Variants in BRWD3 observed in about 807,000 individuals in gnomAD.
BRWD3 encodes the protein bromodomain and WD repeat domain containing 3.
A neutral mutation model predicts 149.7 loss-of-function variants in BRWD3; 10 were observed. The observed-to-expected ratio is 0.07, with a 90% CI of 0.04 to 0.11. BRWD3 has a LOEUF of 0.11. Ranked by LOEUF, BRWD3 falls within the 10% of genes least tolerant of loss-of-function variation. BRWD3 has a pLI of 1.00. For missense variants in BRWD3, 940 were observed against 1,373.2 expected, an observed-to-expected ratio of 0.68 and a Z score of 4.99; for synonymous variants, 504 against 456.7, an observed-to-expected ratio of 1.10 and a Z score of -1.32.
intron 6 of BRWD3, among the ~76,000 whole-genome samples, chrX:80,750,873 C>CACACAT (rs2147798997): frequency 9.2e-6 from 1 of 108,707 alleles, no homozygotes; most frequent in African/African-American, 3.4e-5. Flanking sequence ...CACACACACA[C>CACACAT]ACACACACAC....
intron 4 of BRWD3, among the ~76,000 whole-genome samples, chrX:80,797,495 T>G (rs2074250384): frequency 1.8e-5 from 2 of 111,829 alleles, no homozygotes; most frequent in African/African-American, 6.5e-5. Flanking sequence ...GAAAGAAAAT[T>G]TGTTGGAGTT....
intron 12 of BRWD3, among the ~76,000 whole-genome samples, chrX:80,731,721 C>T (rs942725086): frequency 1.8e-5 from 2 of 108,364 alleles, no homozygotes; most frequent in African/African-American, 3.4e-5. Context: ...GGTGAAACCC[C>T]GTCTCTACTA....
chrX:80,702,785 G>C (rs2072808698), intron 24 of BRWD3, among the ~76,000 whole-genome samples: 1 of 111,565 alleles, frequency 9.0e-6, no homozygotes, highest in Non-Finnish European at 1.9e-5. Flanking sequence ...GCAAGGTTTT[G>C]TTCCTTCTGC....
chrX:80,705,635 A>C (rs2072852293), intron 22 of BRWD3, among the ~76,000 whole-genome samples: 1 of 111,914 alleles, frequency 8.9e-6, no homozygotes, highest in Non-Finnish European at 1.9e-5. Flanking sequence ...CTACACAGCT[A>C]TTCTATATAG....
At chrX:80,731,811 C>T (rs1404275339) in intron 12 of BRWD3, among the ~76,000 whole-genome samples, 10 of 99,724 alleles carry the variant, frequency 1.0e-4, no homozygotes, top group African/African-American at 2.6e-4. Flanking sequence ...AGGAGAATGG[C>T]GTGAACCCGG....
chrX:80,703,336 C>T (rs1057383402), intron 24 of BRWD3, 144 bp downstream of exon 24: 15 of 423,642 alleles, frequency 3.5e-5, no homozygotes, highest in Middle Eastern at 1.3e-3. Context: ...CAGTCCCCTT[C>T]CACAAGAAAT....
intron 24 of BRWD3, among the ~76,000 whole-genome samples, chrX:80,702,640 CTAAAGA>C (rs1276002050): frequency 1.1e-4 from 12 of 111,577 alleles, no homozygotes; most frequent in African/African-American, 3.9e-4. Flanking sequence ...CTTAAAATAT[CTAAAGA>C]TAATCAGCAG....
chrX:80,731,297 C>T (rs889751472), intron 12 of BRWD3, among the ~76,000 whole-genome samples: 1 of 111,124 alleles, frequency 9.0e-6, no homozygotes, highest in East Asian at 2.8e-4. Flanking sequence ...TGTTTATTGG[C>T]CACACGAATA....
chrX:80,678,835 C>A (rs1244407380), intron 40 of BRWD3, among the ~76,000 whole-genome samples: 1 of 111,319 alleles, frequency 9.0e-6, no homozygotes, highest in Non-Finnish European at 1.9e-5. Flanking sequence ...CTTCAAAATT[C>A]ATATGTGGAA....
intron 38 of BRWD3, 28 bp from the exon 39 acceptor site, chrX:80,682,122 C>CT: frequency 9.0e-7 from 1 of 1,108,426 alleles, no homozygotes; most frequent in Admixed American, 2.3e-5. Flanking sequence ...TAACAACGAG[C>CT]ATTTTTTTTT....
In BRWD3 at chrX:80,712,542, C is replaced by G. The variant is rs769797224; in HGVS notation, c.2326-2965G>C. ...CGCCTGCCTTGGCCTCCCAAAGTGCCGAGATTGCAGCCTCTGCCCGGCCGC... is the reference window on the plus strand; with the variant it reads ...CGCCTGCCTTGGCCTCCCAAAGTGCGGAGATTGCAGCCTCTGCCCGGCCGC... On this transcript the variant is annotated intron_variant, in intron 20 of 40. Coordinates refer to ENST00000373275, the MANE Select transcript of BRWD3 (RefSeq NM_153252.5). 6.3e-5 allele frequency among the ~76,000 whole-genome samples: 7 copies of G among 111,124 alleles called. No individual in the cohort carries two copies. In the East Asian group the frequency reaches 1.7e-3, roughly 27 times the overall value.
At chrX:80,728,522 G>A (rs2073281555) in intron 14 of BRWD3, among the ~76,000 whole-genome samples, 1 of 111,317 alleles carries the variant, frequency 9.0e-6, no homozygotes, top group Admixed American at 9.6e-5. Flanking sequence ...TAGTAGATGA[G>A]TAACTACCAG....
At chrX:80,679,911 G>GA (rs763631063) in intron 40 of BRWD3, among the ~76,000 whole-genome samples, 1 of 111,008 alleles carries the variant, frequency 9.0e-6, no homozygotes, top group South Asian at 3.8e-4. Flanking sequence ...AGGGTAAAAT[G>GA]AAAAAAGGCA....
chrX:80,802,815 T>C (rs1038806378), intron 4 of BRWD3, among the ~76,000 whole-genome samples: 2 of 110,537 alleles, frequency 1.8e-5, no homozygotes, highest in African/African-American at 3.3e-5. Context: ...ATGTAAGAAA[T>C]GTCAAGCAGG....
intron 14 of BRWD3, among the ~76,000 whole-genome samples, chrX:80,726,059 C>CAT (rs1307148979): frequency 4.6e-5 from 2 of 43,826 alleles, no homozygotes; most frequent in Non-Finnish European, 8.3e-5. Flanking sequence ...GTCTATATAA[C>CAT]ACAACATGTT....
chrX:80,712,783 C>G lies in BRWD3; in HGVS notation c.2326-3206G>C, dbSNP rs2073001620. ...GCCGCCCCGTCTGGGATGTGAGGAG[C>G]ATCTCTGCCCGGCCGCGACCCCGTC... On this transcript the variant is annotated intron_variant, in intron 20 of 40. Coordinates refer to ENST00000373275, the MANE Select transcript of BRWD3 (RefSeq NM_153252.5). Among the ~76,000 whole-genome samples the G allele has an allele frequency of 4.7e-5, 5 of 106,116 alleles. No individual in the cohort carries two copies. The South Asian group carries it at 2.1e-3, about 45-fold the overall frequency. 92.1% of individuals were successfully genotyped at this position (106,116 alleles called of 115,157 possible).
At chrX:80,693,128 G>A (rs2072634266) in intron 27 of BRWD3, 77 bp from the exon 28 acceptor site, 3 of 781,207 alleles carry the variant, frequency 3.8e-6, no homozygotes, top group Admixed American at 4.5e-5. Flanking sequence ...ACTACTTTTT[G>A]TTGACAACAG....
intron 6 of BRWD3, among the ~76,000 whole-genome samples, chrX:80,759,671 C>T (rs1270636468): frequency 9.0e-6 from 1 of 111,711 alleles, no homozygotes; most frequent in Non-Finnish European, 1.9e-5. Context: ...ATGGTCCTTT[C>T]GGGCATTTCT....
intron 16 of BRWD3, 112 bp downstream of exon 16, chrX:80,723,636 A>AT (rs1269235298): frequency 4.5e-5 from 37 of 824,309 alleles, no homozygotes; most frequent in Non-Finnish European, 6.5e-5. Flanking sequence ...ACTTTCTTTT[A>AT]TTTTGTATCT....
Sources: gnomAD v4.1 joint callset for allele counts (sites outside exome capture counted in the v4.1 genomes callset) on GRCh38, gnomAD v4.1.1 for gene constraint, MANE v1.5 for transcripts, NCBI Gene and HGNC (gene_info 2026-07-23, HGNC 2026-07-21) for gene names.